PEBP4: variants seen among roughly 807,000 people sequenced by gnomAD.
PEBP4 encodes phosphatidylethanolamine-binding protein 4.
Under a neutral mutation model 23.9 loss-of-function variants are expected in PEBP4, and 22 were observed. The observed-to-expected ratio is 0.92, with a 90% CI of 0.66 to 1.31. PEBP4 has a LOEUF of 1.31. Among genes scored for constraint, PEBP4 ranks in the 40% most tolerant of loss-of-function variants. The pLI is 0.00. For missense variants in PEBP4, 324 were observed against 281.7 expected (o/e 1.15, Z -1.07); for synonymous variants, 112 against 99.3 (o/e 1.13, Z -0.76).
intron 5 of PEBP4, 139 bp from the exon 6 acceptor site, chr8:22,725,095 T>A (rs1440992156): frequency 3.2e-6 from 2 of 622,244 alleles, no homozygotes. Flanking sequence ...AGGATTTGTA[T>A]TTGGCGGGAT....
At chr8:22,914,395 T>C (rs1809022895) in intron 3 of PEBP4, among the ~76,000 whole-genome samples, 1 of 152,168 alleles carries the variant, frequency 6.6e-6, no homozygotes, top group African/African-American at 2.4e-5. Flanking sequence ...TTCGTAAATA[T>C]TACTGAACAC....
intron 3 of PEBP4, 78 bp downstream of exon 3, chr8:22,920,106 T>C (rs1269884229): frequency 6.5e-7 from 1 of 1,548,700 alleles, no homozygotes; most frequent in African/African-American, 1.4e-5. Context: ...CAGCTTCAAG[T>C]CACCCAGATG....
At chr8:22,933,778 G>C (rs1270620050) in intron 1 of PEBP4, among the ~76,000 whole-genome samples, 1 of 152,190 alleles carries the variant, frequency 6.6e-6, no homozygotes, top group African/African-American at 2.4e-5. Flanking sequence ...TAAAAAGCCA[G>C]TATTGTTGGA....
chr8:22,719,473 AG>A (rs1421791998), intron 6 of PEBP4, among the ~76,000 whole-genome samples: 3 of 152,080 alleles, frequency 2.0e-5, no homozygotes, highest in Admixed American at 2.0e-4. Context: ...ACAGCCAGGG[AG>A]GGGGTGTGTG....
intron 3 of PEBP4, among the ~76,000 whole-genome samples, chr8:22,892,414 C>A (rs939355476): frequency 3.9e-5 from 6 of 152,196 alleles, no homozygotes; most frequent in African/African-American, 1.2e-4. Context: ...TCCATACTTA[C>A]CTCTGGTAGG....
intron 4 of PEBP4, among the ~76,000 whole-genome samples, chr8:22,794,438 C>T (rs562923467): frequency 6.6e-5 from 10 of 152,072 alleles, no homozygotes; most frequent in Non-Finnish European, 1.3e-4. Flanking sequence ...GGCGGAGGCC[C>T]CTATGCCAGC....
chr8:22,820,121 A>AGT (rs1473148857), intron 3 of PEBP4, among the ~76,000 whole-genome samples: 6 of 152,290 alleles, frequency 3.9e-5, no homozygotes, highest in African/African-American at 1.4e-4. Context: ...AAGGTGAGAT[A>AGT]GTGAGGAATG....
At chr8:22,838,959 A>C (rs1362724236) in intron 3 of PEBP4, among the ~76,000 whole-genome samples, 1 of 151,538 alleles carries the variant, frequency 6.6e-6, no homozygotes, top group Non-Finnish European at 1.5e-5. Context: ...TCTGCTCCTC[A>C]CTCCATCTGT....
chr8:22,760,288 T>A (rs1332423628), intron 4 of PEBP4, among the ~76,000 whole-genome samples: 2 of 152,130 alleles, frequency 1.3e-5, no homozygotes, highest in South Asian at 2.1e-4. Context: ...CACAGGCAGT[T>A]TGACTCCGGT....
chr8:22,784,182 C>T (rs1278577303), intron 4 of PEBP4, among the ~76,000 whole-genome samples: 1 of 152,202 alleles, frequency 6.6e-6, no homozygotes, highest in Non-Finnish European at 1.5e-5. Context: ...TCTTCTGTCC[C>T]TGTCACCAGC....
intron 3 of PEBP4, among the ~76,000 whole-genome samples, chr8:22,855,566 C>A (rs1412636969): frequency 6.6e-6 from 1 of 152,104 alleles, no homozygotes; most frequent in African/African-American, 2.4e-5. Context: ...AAGTCTTCTG[C>A]AGAGAAAATT....
chr8:22,762,541 T>C (rs767234286), intron 4 of PEBP4, among the ~76,000 whole-genome samples: 2 of 152,182 alleles, frequency 1.3e-5, no homozygotes, highest in African/African-American at 2.4e-5. Context: ...TTCTCAATCC[T>C]GAAGAAAGGA....
chr8:22,743,195 G>T (rs573996549), intron 4 of PEBP4, among the ~76,000 whole-genome samples: 1 of 152,292 alleles, frequency 6.6e-6, no homozygotes, highest in East Asian at 1.9e-4. Flanking sequence ...AGCTGCTGGG[G>T]CTGGGGAGTG....
At chr8:22,871,136 G>T (rs1038717078) in intron 3 of PEBP4, among the ~76,000 whole-genome samples, 2 of 152,128 alleles carry the variant, frequency 1.3e-5, no homozygotes, top group African/African-American at 4.8e-5. Context: ...GTCGGGGGTG[G>T]GTGGAAAAAG....
intron 3 of PEBP4, among the ~76,000 whole-genome samples, chr8:22,829,008 T>G (rs928076396): frequency 2.2e-4 from 33 of 152,338 alleles, no homozygotes; most frequent in African/African-American, 7.7e-4. Flanking sequence ...GGAGTAGTCT[T>G]CAACCTCAGT....
chr8:22,927,980 C>G, upstream of PEBP4: 1 of 437,242 alleles, frequency 2.3e-6, no homozygotes, highest in South Asian at 2.6e-5. Flanking sequence ...CAGGACACAG[C>G]TTTGTTGTCA....
At chr8:22,921,239 C>T (rs926607537) in intron 2 of PEBP4, among the ~76,000 whole-genome samples, 6 of 152,340 alleles carry the variant, frequency 3.9e-5, no homozygotes, top group South Asian at 2.1e-4. Context: ...GTAGGGTTAA[C>T]GAGGGTTAAG....
At chr8:22,925,060 G>T (rs370644522) in intron 2 of PEBP4, 2 of 985,240 alleles carry the variant, frequency 2.0e-6, no homozygotes, top group African/African-American at 3.5e-5. Flanking sequence ...TTGAGGAGGG[G>T]TCAGTGCAGG....
intron 3 of PEBP4, among the ~76,000 whole-genome samples, chr8:22,882,610 A>T (rs1057411002): frequency 2.0e-5 from 3 of 152,212 alleles, no homozygotes; most frequent in Non-Finnish European, 4.4e-5. Flanking sequence ...AAGGTGTATT[A>T]ATCGTGTCTT....
Sources: allele counts gnomAD v4.1 joint callset (sites outside exome capture counted in the v4.1 genomes callset), GRCh38; gene constraint gnomAD v4.1.1; transcripts MANE v1.5; gene names NCBI Gene and HGNC (gene_info 2026-07-23, HGNC 2026-07-21).